The following DIP2B variants were observed in gnomAD, a reference collection of about 807,000 sequenced individuals.
The protein encoded by DIP2B is disco-interacting protein 2 homolog B.
DIP2B carries 76 observed loss-of-function variants against 198.0 expected under a neutral mutation model. The ratio of observed to expected loss-of-function variants is 0.38; its 90% CI spans 0.32 to 0.46. DIP2B has a LOEUF of 0.46. DIP2B is among the 20% of genes least tolerant of loss of function. The pLI is 0.99. For missense variants in DIP2B, 1,559 were observed against 1,978.4 expected (o/e 0.79, Z 4.02); for synonymous variants, 701 against 739.1 (o/e 0.95, Z 0.84).
chr12:50,739,513 A>T lies in DIP2B; in HGVS notation c.4281A>T (p.Ala1427=), dbSNP rs773069198. The change falls in exon 36 of 38, where the codon GCA becomes GCT. Residue 1427 remains alanine (A), a synonymous_variant. Transcript: ENST00000301180. ...HFNTRLSFGD[A]AQTLWARTGY... ...ACACTCGCCTCAGCTTTGGAGATGC[A>T]GCTCAGACACTCTGGGCTCGGACAG... 1.2e-6 allele frequency: 2 copies of T among 1,614,152 alleles called. No individual in the cohort carries two copies.
intron 19 of DIP2B, 71 bp from the exon 20 acceptor site, chr12:50,704,069 A>C: frequency 1.5e-6 from 2 of 1,378,034 alleles, no homozygotes; most frequent in Non-Finnish European, 2.0e-6. Flanking sequence ...ATTTTAATAA[A>C]ACTTTTTAAA....
intron 3 of DIP2B, among the ~76,000 whole-genome samples, chr12:50,647,967 G>A (rs984522096): frequency 1.1e-4 from 16 of 152,146 alleles, no homozygotes; most frequent in African/African-American, 3.4e-4. Context: ...TTAGCCAGGC[G>A]TGGTGGCGTG....
chr12:50,689,888 A>C (rs1939192411), intron 12 of DIP2B, among the ~76,000 whole-genome samples: 1 of 152,050 alleles, frequency 6.6e-6, no homozygotes, highest in Non-Finnish European at 1.5e-5. Flanking sequence ...GGAAGGAGAA[A>C]ACATCAAGAA....
intron 1 of DIP2B, among the ~76,000 whole-genome samples, chr12:50,608,235 G>A (rs979852537): frequency 6.6e-6 from 1 of 152,170 alleles, no homozygotes; most frequent in African/African-American, 2.4e-5. Flanking sequence ...TCAAATGGTT[G>A]CTGTTTTAAC....
At chr12:50,527,284 C>T (rs1958175486) in intron 1 of DIP2B, among the ~76,000 whole-genome samples, 1 of 152,188 alleles carries the variant, frequency 6.6e-6, no homozygotes, top group African/African-American at 2.4e-5. Flanking sequence ...ATGGGCTGTG[C>T]ATAACATGTC....
rs1205296914 is a variant in DIP2B at position 50,709,651 on chromosome 12, A to C, written c.2649+1089A>C. Among the ~76,000 whole-genome samples the C allele has an allele frequency of 5.9e-5, 9 of 151,878 alleles. No homozygotes were observed. In the South Asian group the frequency reaches 1.9e-3, roughly 32 times the overall value. On this transcript the variant is annotated intron_variant, in intron 22 of 37. Coordinates refer to ENST00000301180, the MANE Select transcript of DIP2B (RefSeq NM_173602.3). The stretch of plus-strand genomic sequence containing the variant: ...AGACTCTGTCTCAAAAAAAAAAAAA[A>C]ATTATCCAGGCATAGTTGTGTGCAC...
chr12:50,636,220 G>A (rs891974459), intron 2 of DIP2B, among the ~76,000 whole-genome samples: 24 of 152,168 alleles, frequency 1.6e-4, no homozygotes, highest in African/African-American at 3.4e-4. Context: ...GTAAATACTC[G>A]GTAGGCAATG....
intron 20 of DIP2B, among the ~76,000 whole-genome samples, chr12:50,705,410 A>C (rs1306944901): frequency 6.6e-6 from 1 of 152,184 alleles, no homozygotes; most frequent in Non-Finnish European, 1.5e-5. Flanking sequence ...CAGTTCCATG[A>C]TTGATGTCCA....
At chr12:50,676,268 C>G (rs1336553665) in intron 7 of DIP2B, among the ~76,000 whole-genome samples, 1 of 152,118 alleles carries the variant, frequency 6.6e-6, no homozygotes, top group Non-Finnish European at 1.5e-5. Flanking sequence ...AAGAGCTAAG[C>G]GTTGGTAGCT....
chr12:50,742,394 C>CAAAAAAAAAAAAAAAAAAAA (rs59566626), intron 37 of DIP2B, among the ~76,000 whole-genome samples: 4 of 47,476 alleles, frequency 8.4e-5, no homozygotes, highest in East Asian at 1.0e-3. Flanking sequence ...GAGACTGTCT[C>CAAAAAAAAAAAAAAAAAAAA]AAAAAAAAAA....
At chr12:50,582,145 GT>G (rs367699036) in intron 1 of DIP2B, among the ~76,000 whole-genome samples, 15,835 of 77,104 alleles carry the variant, frequency 0.21, 979 homozygotes, top group African/African-American at 0.28. Flanking sequence ...CTTTTTTTCT[GT>G]TTTTTTTTTT....
intron 2 of DIP2B, among the ~76,000 whole-genome samples, chr12:50,638,935 A>G (rs1321552123): frequency 6.6e-6 from 1 of 152,046 alleles, no homozygotes; most frequent in Non-Finnish European, 1.5e-5. Context: ...GCAATTAGAA[A>G]TGTTTCAAGG....
intron 37 of DIP2B, among the ~76,000 whole-genome samples, chr12:50,744,190 C>T (rs1215201538): frequency 2.0e-5 from 3 of 152,070 alleles, no homozygotes; most frequent in East Asian, 3.9e-4. Context: ...TTAGTAGAGG[C>T]GGGATTTCGC....
chr12:50,674,493 T>A lies in DIP2B; in HGVS notation c.660T>A (p.Pro220=), dbSNP rs763787995. Residue 220 remains proline (P), a synonymous_variant, in exon 6 of 38, where the codon CCT becomes CCA. Coordinates refer to ENST00000301180, the MANE Select transcript of DIP2B (RefSeq NM_173602.3). ...TCTCAGAGAATTTCTCTGCTCCTCCTGATGTCACTACAACTACCTCTTCCT... is the reference window on the plus strand; with the variant it reads ...TCTCAGAGAATTTCTCTGCTCCTCCAGATGTCACTACAACTACCTCTTCCT... ...NTRIENFSAP[P]DVTTTTSSSS... 1 of 1,614,232 alleles carries A rather than the reference T, an allele frequency of 6.2e-7. No homozygotes were observed. The highest frequency in any genetic ancestry group is 8.5e-7 in the Non-Finnish European group (1 of 1,180,022).
At chr12:50,702,717 A>T (rs1242070442) in intron 19 of DIP2B, among the ~76,000 whole-genome samples, 6 of 119,254 alleles carry the variant, frequency 5.0e-5, no homozygotes, top group Non-Finnish European at 8.2e-5. Flanking sequence ...TGGGCAACAT[A>T]GTGAGACCTC....
chr12:50,523,559 A>G (rs997112067), intron 1 of DIP2B, among the ~76,000 whole-genome samples: 6 of 152,210 alleles, frequency 3.9e-5, no homozygotes, highest in Admixed American at 3.3e-4. Flanking sequence ...GAATTAGATA[A>G]AATGATCTTA....
intron 1 of DIP2B, among the ~76,000 whole-genome samples, chr12:50,510,069 G>A (rs1958001231): frequency 6.6e-6 from 1 of 152,078 alleles, no homozygotes; most frequent in Admixed American, 6.5e-5. Context: ...ATTCTTTGAG[G>A]GTAAAGTTTC....
At chr12:50,624,180 A>T (rs1937886172) in intron 1 of DIP2B, among the ~76,000 whole-genome samples, 1 of 152,152 alleles carries the variant, frequency 6.6e-6, no homozygotes, top group African/African-American at 2.4e-5. Context: ...TATCCCAATG[A>T]TTCCAAATCT....
intron 19 of DIP2B, 150 bp downstream of exon 19, chr12:50,699,352 A>C (rs1401616173): frequency 3.8e-5 from 46 of 1,206,552 alleles, no homozygotes; most frequent in Non-Finnish European, 5.3e-5. Flanking sequence ...TTCTGAACTT[A>C]GGTCACTAGC....
Sources: gnomAD v4.1 joint callset for allele counts (sites outside exome capture counted in the v4.1 genomes callset) on GRCh38, gnomAD v4.1.1 for gene constraint, MANE v1.5 for transcripts, NCBI Gene and HGNC (gene_info 2026-07-23, HGNC 2026-07-21) for gene names.